The following SUOX variants were observed in gnomAD, a reference collection of about 807,000 sequenced individuals.
SUOX encodes sulfite oxidase, mitochondrial.
A neutral mutation model predicts 41.9 loss-of-function variants in SUOX; 39 were observed. The observed-to-expected ratio is 0.93, with a 90% CI of 0.72 to 1.21. The LOEUF (loss-of-function observed/expected upper bound fraction) is 1.21. Among genes scored for constraint, SUOX ranks in the 50% most tolerant of loss-of-function variants. The pLI, the probability that SUOX is intolerant of heterozygous loss-of-function variation, is 0.00. For synonymous variants in SUOX, 220 were observed against 268.4 expected, an observed-to-expected ratio of 0.82 and a Z score of 1.76; for missense variants, 633 against 689.5, an observed-to-expected ratio of 0.92 and a Z score of 0.92.
rs1890614730 is a variant in SUOX at position 56,003,641 on chromosome 12, A to G, written c.252A>G (p.Ile84Met). The G allele has an allele frequency of 6.2e-7, 1 of 1,613,968 alleles. No individual in the cohort carries two copies. The highest frequency in any genetic ancestry group is 1.7e-5 in the Admixed American group (1 of 59,992). The change falls in exon 5 of 5, where the codon ATA (isoleucine) becomes ATG (methionine). Residue 84 changes from isoleucine to methionine, a missense_variant. Coordinates refer to ENST00000266971, the MANE Select transcript of SUOX (RefSeq NM_001032386.2). ...AGGCTGCTCAGGAGTCAACACACAT[A>G]TACACTAAGGAGGAAGTGAGTTCCC... ...RCRAAQESTH[I>M]YTKEEVSSHT...
At chr12:56,000,498 T>C (rs1054062756) in intron 2 of SUOX, among the ~76,000 whole-genome samples, 7 of 152,136 alleles carry the variant, frequency 4.6e-5, no homozygotes, top group Admixed American at 1.3e-4. Context: ...AGCTCCGCGC[T>C]CAGCCCCGGT....
intron 2 of SUOX, among the ~76,000 whole-genome samples, chr12:55,999,773 G>A (rs552038870): frequency 3.7e-4 from 57 of 152,324 alleles, no homozygotes; most frequent in Non-Finnish European, 6.8e-4. Flanking sequence ...CTGCTGATTG[G>A]TAGAGCCGAG....
chr12:56,004,040 G>A lies in SUOX; in HGVS notation c.651G>A (p.Arg217=), dbSNP rs542389182. 1.9e-6 allele frequency: 3 copies of A among 1,614,040 alleles called. No homozygotes were observed. In the South Asian group the frequency reaches 3.3e-5, roughly 18 times the overall value. Reference sequence around the variant, plus strand: ...CACCCAACCCTATCTTCTTCACCCGGAACCATCTGCCTGTACCTAACCTGG... The same window carrying A: ...CACCCAACCCTATCTTCTTCACCCGAAACCATCTGCCTGTACCTAACCTGG... ...YITPNPIFFT[R]NHLPVPNLDP... is the part of the protein sequence containing the mutation. Residue 217 remains arginine (R), a synonymous_variant, in exon 5 of 5, where the codon CGG becomes CGA. Transcript: ENST00000266971. The surrounding 1 kb of genome is among the most constrained non-coding windows in gnomAD (Gnocchi z 4.5).
In SUOX at chr12:56,003,951, G is replaced by T; in HGVS notation, c.562G>T (p.Val188Phe). 1 of 1,614,104 alleles carries T rather than the reference G, an allele frequency of 6.2e-7. No homozygotes were observed. The highest frequency in any genetic ancestry group is 8.5e-7 in the Non-Finnish European group (1 of 1,180,030). The change falls in exon 5 of 5, where the codon GTC becomes TTC. Residue 188 changes from valine to phenylalanine, a missense_variant. Coordinates refer to ENST00000266971, the MANE Select transcript of SUOX (RefSeq NM_001032386.2). ...DDPVRHPALK[V>F]NSQRPFNAEP... ...TCCTGTACGTCACCCAGCCCTGAAG[G>T]TCAACAGCCAGCGGCCCTTTAATGC...
chr12:56,004,370 G>C lies in SUOX; in HGVS notation c.981G>C (p.Gly327=). 1 of 1,614,088 alleles carries C rather than the reference G, an allele frequency of 6.2e-7. No homozygotes were observed. ...CFEGLDSDPT[G]TAYGASIPLA... Reference sequence around the variant, plus strand: ...AGGGACTGGACTCAGACCCTACTGGGACTGCCTATGGAGCATCCATCCCTC... The same window carrying C: ...AGGGACTGGACTCAGACCCTACTGGCACTGCCTATGGAGCATCCATCCCTC... The change falls in exon 5 of 5, where the codon GGG becomes GGC. Residue 327 remains glycine (G), a synonymous_variant. Coordinates refer to ENST00000266971, the MANE Select transcript of SUOX (RefSeq NM_001032386.2). The surrounding 1 kb of genome is among the most constrained non-coding windows in gnomAD (Gnocchi z 4.5).
chr12:56,003,344 C>T (rs891934699), intron 4 of SUOX, among the ~76,000 whole-genome samples: 1 of 151,894 alleles, frequency 6.6e-6, no homozygotes. Context: ...TCACCACAAC[C>T]TCCACCTCCC....
intron 2 of SUOX, among the ~76,000 whole-genome samples, chr12:55,999,081 T>G (rs1237261558): frequency 2.0e-5 from 3 of 152,030 alleles, no homozygotes; most frequent in Non-Finnish European, 4.4e-5. Context: ...CCCAAAATTT[T>G]GGGATTATAG....
chr12:55,998,060 G>A (rs888701541), intron 2 of SUOX, among the ~76,000 whole-genome samples: 5 of 152,100 alleles, frequency 3.3e-5, no homozygotes, highest in Non-Finnish European at 7.4e-5. Context: ...GGTGGTCCGG[G>A]ACCCTAGGTT....
At chr12:55,997,779 C>G (rs901321693) in intron 2 of SUOX, 56 bp downstream of exon 2, 2 of 152,380 alleles carry the variant, frequency 1.3e-5, no homozygotes, top group African/African-American at 2.4e-5. Context: ...GAAGACTGCT[C>G]CTATTCCCAT....
intron 2 of SUOX, among the ~76,000 whole-genome samples, chr12:55,998,051 G>A (rs976449357): frequency 2.0e-5 from 3 of 152,276 alleles, no homozygotes; most frequent in Middle Eastern, 6.8e-3. Flanking sequence ...GAAGATTGAG[G>A]TGGTCCGGGA....
At chr12:56,000,244 AG>A (rs981443842) in intron 2 of SUOX, among the ~76,000 whole-genome samples, 1 of 152,172 alleles carries the variant, frequency 6.6e-6, no homozygotes, top group Non-Finnish European at 1.5e-5. Flanking sequence ...CCCACGGCGA[AG>A]GGGGGCTCAG....
At chr12:56,003,238 TTTC>T (rs907756872) in intron 4 of SUOX, among the ~76,000 whole-genome samples, 9 of 151,812 alleles carry the variant, frequency 5.9e-5, no homozygotes, top group Non-Finnish European at 8.8e-5. Context: ...GCTCAAGTGA[TTTC>T]TTCTTATTCT....
At chr12:55,998,550 G>T (rs963715693) in intron 2 of SUOX, among the ~76,000 whole-genome samples, 1 of 151,480 alleles carries the variant, frequency 6.6e-6, no homozygotes, top group Non-Finnish European at 1.5e-5. Context: ...TCAGGGGCAG[G>T]GGGAGGGGAG....
intron 2 of SUOX, among the ~76,000 whole-genome samples, chr12:55,998,052 T>C (rs960449087): frequency 3.9e-5 from 6 of 152,106 alleles, no homozygotes; most frequent in African/African-American, 1.4e-4. Flanking sequence ...AAGATTGAGG[T>C]GGTCCGGGAC....
Position 56,005,256 on chromosome 12 carries a change from G to A in SUOX, c.*229G>A. 1 of 604,586 alleles carries A rather than the reference G, an allele frequency of 1.7e-6. No homozygotes were observed. The allele number at this position is 604,586 out of a possible 1,614,324, so 37.5% of individuals were successfully genotyped here. ...AGGAAGTGTGAGCTGTTACAGCAAG[G>A]GGCTAGAAGTGAAAAAAGTAATTCT... On this transcript the variant is annotated 3_prime_UTR_variant, in exon 5 of 5. Coordinates refer to ENST00000266971, the MANE Select transcript of SUOX (RefSeq NM_001032386.2).
At chr12:56,002,769 T>C in intron 4 of SUOX, 49 bp downstream of exon 4, 1 of 1,608,740 alleles carries the variant, frequency 6.2e-7, no homozygotes, top group Non-Finnish European at 8.5e-7. Context: ...GTGCAGTGGC[T>C]CACGCCTGTT....
At chr12:56,001,381 C>T (rs1890521587) in intron 2 of SUOX, 2 of 151,902 alleles carry the variant, frequency 1.3e-5, no homozygotes, top group Non-Finnish European at 2.9e-5. Flanking sequence ...GCCTCAGCCT[C>T]CCAAAGTGCT....
chr12:56,002,564 G>A lies in SUOX; in HGVS notation c.72G>A (p.Arg24=). 5.0e-6 allele frequency: 8 copies of A among 1,614,018 alleles called. No individual in the cohort carries two copies. The Middle Eastern group carries it at 4.9e-4, about 100-fold the overall frequency. Residue 24 remains arginine, a synonymous_variant, in exon 4 of 5, where the codon AGG becomes AGA. Coordinates refer to ENST00000266971, the MANE Select transcript of SUOX (RefSeq NM_001032386.2). Reference sequence around the variant, plus strand: ...CCAGACTCAAGTCAATCCCCTCAAGGATCTGCATTCAGGCCTGCTCCACAA... The same window carrying A: ...CCAGACTCAAGTCAATCCCCTCAAGAATCTGCATTCAGGCCTGCTCCACAA... ...QACRLKSIPS[R]ICIQACSTND...
Position 56,004,961 on chromosome 12 carries a change from A to T in SUOX, c.1572A>T (p.Pro524=). The change falls in exon 5 of 5, where the codon CCA becomes CCT. Residue 524 remains proline (P), a synonymous_variant. Transcript: ENST00000266971. This position sits in a 1 kb window ranked among gnomAD's most constrained non-coding sequence, Gnocchi z 4.5. The part of the protein sequence containing the change: ...GYNVQPDTVA[P]IWNLRGVLSN... ...ATGTGCAGCCAGACACCGTGGCCCC[A>T]ATCTGGAACCTGCGAGGTGTTCTCA... The T allele has an allele frequency of 1.2e-6, 2 of 1,614,174 alleles. No individual in the cohort carries two copies. Among genetic ancestry groups the T allele is most frequent in the Non-Finnish European group, 1.7e-6 (2 of 1,180,026 alleles).
Sources: allele counts gnomAD v4.1 joint callset (sites outside exome capture counted in the v4.1 genomes callset), GRCh38; gene constraint gnomAD v4.1.1; non-coding constraint Gnocchi (gnomAD v3.1); transcripts MANE v1.5; gene names NCBI Gene and HGNC (gene_info 2026-07-23, HGNC 2026-07-21).